Variants in TBC1D16 observed in about 807,000 individuals in gnomAD.
TBC1D16 encodes TBC1 domain family member 16, also known as CTD-2529O21.1.
TBC1D16 carries 58 observed loss-of-function variants against 74.7 expected under a neutral mutation model. The observed-to-expected ratio is 0.78, with a 90% CI of 0.63 to 0.97. The LOEUF is 0.97. Among genes scored for constraint, TBC1D16 ranks in the 50% least tolerant of loss-of-function variants. The probability of loss-of-function intolerance (pLI) is 0.00; values close to 1 mark genes in which losing one functional copy is unlikely to be tolerated. For synonymous variants in TBC1D16, 493 were observed against 474.7 expected (o/e 1.04, Z -0.50); for missense variants, 1,014 against 1,079.5 (o/e 0.94, Z 0.85).
At chr17:79,951,834 G>C (rs920073035) in intron 4 of TBC1D16, among the ~76,000 whole-genome samples, 4 of 152,130 alleles carry the variant, frequency 2.6e-5, no homozygotes, top group Admixed American at 2.6e-4. Context: ...CTCCTCTCTG[G>C]AGACCTGCCA....
chr17:79,949,942 G>C (rs138382948), intron 6 of TBC1D16, 77 bp from the exon 7 acceptor site: 2 of 1,517,064 alleles, frequency 1.3e-6, no homozygotes, highest in African/African-American at 1.4e-5. Flanking sequence ...AGAGATGTGT[G>C]TTTTGGTGGT....
At chr17:80,017,680 CAAAAAAAAA>C (rs57336950) in intron 1 of TBC1D16, among the ~76,000 whole-genome samples, 4 of 84,848 alleles carry the variant, frequency 4.7e-5, no homozygotes, top group South Asian at 4.3e-4. Context: ...GACTCCATCT[CAAAAAAAAA>C]AAAAAAAAAA....
At chr17:79,976,867 G>A (rs1317544151) in intron 3 of TBC1D16, among the ~76,000 whole-genome samples, 1 of 152,194 alleles carries the variant, frequency 6.6e-6, no homozygotes, top group Non-Finnish European at 1.5e-5. Flanking sequence ...GGTGGAGGCT[G>A]CTGCTCCATC....
At chr17:80,021,051 G>A (rs900853986) in intron 1 of TBC1D16, among the ~76,000 whole-genome samples, 9 of 149,860 alleles carry the variant, frequency 6.0e-5, no homozygotes, top group African/African-American at 1.3e-4. Context: ...TCGGGAGTTC[G>A]ACACCAGCCT....
At chr17:79,955,864 AGAGATTT>A (rs58699642) in intron 3 of TBC1D16, among the ~76,000 whole-genome samples, 1 of 152,358 alleles carries the variant, frequency 6.6e-6, no homozygotes, top group Non-Finnish European at 1.5e-5. Flanking sequence ...ATACAGAGAT[AGAGATTT>A]AAAAGGGCCT....
At chr17:80,011,281 A>G (rs1285449964) in intron 2 of TBC1D16, among the ~76,000 whole-genome samples, 1 of 150,768 alleles carries the variant, frequency 6.6e-6, no homozygotes, top group Non-Finnish European at 1.5e-5. Context: ...GCCTGAGCTC[A>G]AGCGAACCGC....
intron 2 of TBC1D16, among the ~76,000 whole-genome samples, chr17:80,011,931 C>T (rs1373882442): frequency 6.6e-6 from 1 of 152,002 alleles, no homozygotes; most frequent in Non-Finnish European, 1.5e-5. Flanking sequence ...AGGAAGGGGC[C>T]ACCTTTGCAG....
Position 79,961,748 on chromosome 17 carries a change from A to G in TBC1D16, c.780-8930T>C, listed in dbSNP as rs1243018809. On this transcript the variant is annotated intron_variant, in intron 3 of 11. Transcript: ENST00000310924. This position sits in a 1 kb window ranked among gnomAD's most constrained non-coding sequence, Gnocchi z 4.8. ...CGTGGTGGCGGGCGCCTATAATCCC[A>G]GCTACTCGGGAGGCTCAGGCAGGAG... Among the ~76,000 whole-genome samples the G allele has an allele frequency of 6.6e-6, 1 of 152,148 alleles. No individual in the cohort carries two copies. Among genetic ancestry groups the G allele is most frequent in the Non-Finnish European group, 1.5e-5 (1 of 68,030 alleles).
rs746450905 is a variant in TBC1D16 at position 79,960,779 on chromosome 17, C to CAAAAAAAAA, written c.780-7970_780-7962dup. 9.6e-3 allele frequency among the ~76,000 whole-genome samples: 326 copies of CAAAAAAAAA among 33,912 alleles called. 72 individuals carry two copies. Among genetic ancestry groups the CAAAAAAAAA allele is most frequent in the Non-Finnish European group, 0.012 (214 of 18,122 alleles). 22.2% of individuals were successfully genotyped at this position (33,912 alleles called of 152,430 possible). A position where few individuals can be genotyped will look rare whatever the true frequency, so the allele number is the denominator to read the frequency against. ...CAAAAAAACCCAAAAAACAAAAACC[C>CAAAAAAAAA]AAAAAAAAAAAAAAAAAAAAAAAAA... On this transcript the variant is annotated intron_variant, in intron 3 of 11. Transcript: ENST00000310924.
Position 79,975,016 on chromosome 17 carries a change from T to C in TBC1D16, c.780-22198A>G, listed in dbSNP as rs942627798. ...CCGCAGCCACTGCGCCCTCTATAGGTAAGAAGGCCCAAGGAAGAAGCCCTC... is the reference window on the plus strand; with the variant it reads ...CCGCAGCCACTGCGCCCTCTATAGGCAAGAAGGCCCAAGGAAGAAGCCCTC... On this transcript the variant is annotated intron_variant, in intron 3 of 11. Coordinates refer to ENST00000310924, the MANE Select transcript of TBC1D16 (RefSeq NM_019020.4). This position sits in a 1 kb window ranked among gnomAD's most constrained non-coding sequence, Gnocchi z 4.5. 4.6e-5 allele frequency among the ~76,000 whole-genome samples: 7 copies of C among 152,104 alleles called. No individual in the cohort carries two copies.
In TBC1D16 at chr17:79,950,654, G is replaced by T; in HGVS notation, c.1090-76C>A. On this transcript the variant is annotated intron_variant, in intron 5 of 11. Coordinates refer to ENST00000310924, the MANE Select transcript of TBC1D16 (RefSeq NM_019020.4). The surrounding 1 kb of genome is among the most constrained non-coding windows in gnomAD (Gnocchi z 4.6). The stretch of plus-strand genomic sequence containing the variant: ...CAGAGGCCAGCAGTGCTTTTCCCAG[G>T]AATAAAAGCCTCTCTCTCTTCTGAA... 6.4e-7 allele frequency: 1 copy of T among 1,564,648 alleles called. No individual in the cohort carries two copies.
At chr17:80,018,769 T>G (rs967328821) in intron 1 of TBC1D16, among the ~76,000 whole-genome samples, 1 of 149,462 alleles carries the variant, frequency 6.7e-6, no homozygotes, top group Non-Finnish European at 1.5e-5. Flanking sequence ...TCCCGCTAAT[T>G]TTTTTATTTT....
chr17:80,031,682 C>G (rs2036782169), intron 1 of TBC1D16, among the ~76,000 whole-genome samples: 1 of 152,150 alleles, frequency 6.6e-6, no homozygotes. Context: ...ATCCCATTTC[C>G]CCCGCAAAGA....
intron 3 of TBC1D16, chr17:79,953,060 G>A (rs2033159045): frequency 2.7e-6 from 1 of 377,046 alleles, no homozygotes; most frequent in Admixed American, 4.4e-5. Flanking sequence ...CACTTCAATA[G>A]AGGCAGTAAG....
chr17:79,977,673 G>A (rs569440848), intron 3 of TBC1D16, among the ~76,000 whole-genome samples: 176 of 152,384 alleles, frequency 1.2e-3, no homozygotes, highest in African/African-American at 3.9e-3. Context: ...TGCACAGTAA[G>A]CTAACTGTTC....
chr17:79,963,432 T>G (rs563694586), intron 3 of TBC1D16, among the ~76,000 whole-genome samples: 2 of 152,274 alleles, frequency 1.3e-5, no homozygotes, highest in East Asian at 3.9e-4. Context: ...TTCCTTCCCT[T>G]TTATGGCTGA....
At chr17:80,002,294 G>A (rs1437146057) in intron 3 of TBC1D16, among the ~76,000 whole-genome samples, 3 of 152,308 alleles carry the variant, frequency 2.0e-5, no homozygotes, top group Middle Eastern at 3.4e-3. Flanking sequence ...GAACGATAAC[G>A]CCGTTAATAA....
intron 6 of TBC1D16, 131 bp from the exon 7 acceptor site, chr17:79,949,996 T>A: frequency 8.4e-7 from 1 of 1,184,074 alleles, no homozygotes; most frequent in Non-Finnish European, 1.2e-6. Flanking sequence ...TGCACATATT[T>A]ACAAGGGGAA....
chr17:79,946,421 ACCT>A (rs1236847801), intron 9 of TBC1D16, among the ~76,000 whole-genome samples: 1 of 151,866 alleles, frequency 6.6e-6, no homozygotes, highest in African/African-American at 2.4e-5. Context: ...TCCACCGCTC[ACCT>A]CCTGCGGTGC....
Sources: gnomAD v4.1 joint callset for allele counts (sites outside exome capture counted in the v4.1 genomes callset) on GRCh38, gnomAD v4.1.1 for gene constraint, Gnocchi (gnomAD v3.1) non-coding constraint, MANE v1.5 for transcripts, NCBI Gene and HGNC (gene_info 2026-07-23, HGNC 2026-07-21) for gene names.